FBXL6: variants seen among roughly 807,000 people sequenced by gnomAD.
FBXL6 encodes F-box and leucine rich repeat protein 6.
Under a neutral mutation model 53.3 loss-of-function variants are expected in FBXL6, and 50 were observed. The observed-to-expected ratio is 0.94, with a 90% CI of 0.75 to 1.19. The LOEUF (loss-of-function observed/expected upper bound fraction) is 1.19. FBXL6 is among the 50% of genes most tolerant of loss of function. The probability of loss-of-function intolerance (pLI) is 0.00; values close to 1 mark genes in which losing one functional copy is unlikely to be tolerated. For synonymous variants in FBXL6, 405 were observed against 322.9 expected (o/e 1.25, Z -2.73); for missense variants, 815 against 719.0 (o/e 1.13, Z -1.53).
Position 144,355,789 on chromosome 8 carries a change from A to G in FBXL6, c.1473-111T>C, listed in dbSNP as rs1818374229. Reference sequence around the variant, plus strand: ...ACACCTGGCTCTGCCACCCATAGCCACCAAGGCCAAGCCCAGTTCCCCTGG... The same window carrying G: ...ACACCTGGCTCTGCCACCCATAGCCGCCAAGGCCAAGCCCAGTTCCCCTGG... On this transcript the variant is annotated intron_variant, in intron 8 of 8. Coordinates refer to ENST00000331890, the MANE Select transcript of FBXL6 (RefSeq NM_012162.4). 1.0e-5 allele frequency: 16 copies of G among 1,529,764 alleles called. No homozygotes were observed. The South Asian group carries it at 2.0e-4, about 19-fold the overall frequency. The allele number at this position is 1,529,764 out of a possible 1,614,324, so 94.8% of individuals were successfully genotyped here.
Position 144,356,509 on chromosome 8 carries a change from A to G in FBXL6, c.1016T>C (p.Met339Thr), listed in dbSNP as rs782158277. Residue 339 changes from methionine (M) to threonine (T), a missense_variant, in exon 7 of 9, where the codon ATG becomes ACG. Met to Thr is a moderately conservative substitution (Grantham distance 81). Transcript: ENST00000331890. Reference protein sequence around the residue: ...QLQVLRLLNLMWLPKPPGRGV... With the variant: ...QLQVLRLLNLTWLPKPPGRGV... ...TCGTCCCGGAGGCTTGGGCAGCCAC[A>G]TCAGGTTCAACAGCCGCAGCACCTG... 2 of 1,612,940 alleles carry G rather than the reference A, an allele frequency of 1.2e-6. No individual in the cohort carries two copies. Among genetic ancestry groups the G allele is most frequent in the Non-Finnish European group, 8.5e-7 (1 of 1,179,988 alleles).
intron 1 of FBXL6, 112 bp downstream of exon 1, chr8:144,357,920 C>T (rs1289338072): frequency 1.1e-5 from 16 of 1,448,580 alleles, no homozygotes; most frequent in South Asian, 8.6e-5. Flanking sequence ...CGCTCTCGGA[C>T]TGAGCGGTGC....
In FBXL6 at chr8:144,358,013, G is replaced by A; in HGVS notation, c.416+19C>T. The A allele has an allele frequency of 1.9e-6, 3 of 1,579,762 alleles. No individual in the cohort carries two copies. The highest frequency in any genetic ancestry group is 1.8e-5 in the Admixed American group (1 of 56,984). The stretch of plus-strand genomic sequence containing the variant: ...GCCCAAGCCGCTACGCTCGGCGGCG[G>A]GCCCGGCACCAGCGTTACCTGCCCA... On this transcript the variant is annotated intron_variant, in intron 1 of 8. Coordinates refer to ENST00000331890, the MANE Select transcript of FBXL6 (RefSeq NM_012162.4).
In FBXL6 at chr8:144,356,393, G is replaced by A. The variant is rs782070352; in HGVS notation, c.1132C>T (p.Arg378Cys). ...AGGTTGGGAGAGCCGTGGAGTAGGCGGCCCAGGACCTCGTTGCTCACAAAG... is the reference window on the plus strand; with the variant it reads ...AGGTTGGGAGAGCCGTGGAGTAGGCAGCCCAGGACCTCGTTGCTCACAAAG... ...CNFVSNEVLG[R>C]LLHGSPNLRL... Residue 378 changes from arginine (R) to cysteine (C), a missense_variant, in exon 7 of 9, where the codon CGC becomes TGC. Arg to Cys is a radical substitution (Grantham distance 180). Coordinates refer to ENST00000331890, the MANE Select transcript of FBXL6 (RefSeq NM_012162.4). 30 of 1,523,030 alleles carry A rather than the reference G, an allele frequency of 2.0e-5. No individual in the cohort carries two copies. The African/African-American group carries it at 3.8e-4, about 19-fold the overall frequency. The allele number at this position is 1,523,030 out of a possible 1,614,324, so 94.3% of individuals were successfully genotyped here.
rs782407523 is a variant in FBXL6, at chr8:144,356,491, G to A, written c.1034C>T (p.Pro345Leu). ...TGGTCCGGGAGCCACCCCTCGTCCC[G>A]GAGGCTTGGGCAGCCACATCAGGTT... ...LLNLMWLPKPPGRGVAPGPGF... is the reference protein window; with the variant it reads ...LLNLMWLPKPLGRGVAPGPGF... The change falls in exon 7 of 9, where the codon CCG (proline) becomes CTG (leucine). Residue 345 changes from proline to leucine, a missense_variant. Transcript: ENST00000331890. 3.8e-5 allele frequency: 61 copies of A among 1,612,782 alleles called. No homozygotes were observed. Among genetic ancestry groups the A allele is most frequent in the Admixed American group, 1.8e-4 (11 of 60,002 alleles).
Position 144,356,712 on chromosome 8 carries a change from C to A in FBXL6, c.881G>T (p.Gly294Val). The A allele has an allele frequency of 6.2e-7, 1 of 1,612,126 alleles. No individual in the cohort carries two copies. The highest frequency in any genetic ancestry group is 1.7e-5 in the Admixed American group (1 of 60,010). ...QTTAILGALLGSCCPQLQVLE... is the reference protein window; with the variant it reads ...QTTAILGALLVSCCPQLQVLE... ...GACCTGGAGCTGGGGGCAGCAGCTG[C>A]CCTGCAGAGATGGGGGGAGGGGGTA... is the stretch of plus-strand genomic sequence containing the variant. The change falls in exon 6 of 9, where the codon GGC becomes GTC. Residue 294 changes from glycine (G) to valine (V), a missense_variant and splice_region_variant. By Grantham distance (109) the Gly-to-Val change is moderately radical (BLOSUM62 -3). Transcript: ENST00000331890.
In FBXL6 at chr8:144,356,482, C is replaced by T. The variant is rs1690449399; in HGVS notation, c.1043G>A (p.Gly348Glu). The change falls in exon 7 of 9, where the codon GGG becomes GAG. Residue 348 changes from glycine to glutamate, a missense_variant. Transcript: ENST00000331890. ...AGGGAAGCCTGGTCCGGGAGCCACC[C>T]CTCGTCCCGGAGGCTTGGGCAGCCA... The part of the protein sequence containing the change: ...LMWLPKPPGR[G>E]VAPGPGFPSL... 2 of 1,612,978 alleles carry T rather than the reference C, an allele frequency of 1.2e-6. No homozygotes were observed. Among genetic ancestry groups the T allele is most frequent in the Non-Finnish European group, 1.7e-6 (2 of 1,180,016 alleles).
rs1554853388 is a variant in FBXL6 at position 144,358,153 on chromosome 8, G to A, written c.295C>T (p.Pro99Ser). 2 of 1,537,750 alleles carry A rather than the reference G, an allele frequency of 1.3e-6. No homozygotes were observed. The highest frequency in any genetic ancestry group is 1.2e-5 in the South Asian group (1 of 84,338). ...AAAAPAPAPAPTPTPEEGPDA... is the reference protein window; with the variant it reads ...AAAAPAPAPASTPTPEEGPDA... ...GGCCCTTCCTCGGGCGTGGGCGTGG[G>A]TGCCGGTGCGGGTGCGGGCGCGGCC... Residue 99 changes from proline (P) to serine (S), a missense_variant, in exon 1 of 9, where the codon CCC becomes TCC. Pro to Ser is a moderately conservative substitution (Grantham distance 74, BLOSUM62 -1). Transcript: ENST00000331890.
At position 144,357,888 on chromosome 8, in the gene FBXL6, C is replaced by G. The variant is rs116363663; in HGVS notation, c.417-102G>C. 1,557 of 1,438,256 alleles carry G rather than the reference C, an allele frequency of 1.1e-3. 17 individuals are homozygous for G. The African/African-American group carries it at 0.02, about 19-fold the overall frequency. 89.1% of individuals were successfully genotyped at this position (1,438,256 alleles called of 1,614,324 possible). On this transcript the variant is annotated intron_variant, in intron 1 of 8. Transcript: ENST00000331890. ...GCTCAAAGCCGGGCTCCTGGGACTCCAACTGGGCGCCTAAGGGGCTGCGCT... is the reference window on the plus strand; with the variant it reads ...GCTCAAAGCCGGGCTCCTGGGACTCGAACTGGGCGCCTAAGGGGCTGCGCT...
Position 144,356,356 on chromosome 8 carries a change from TC to T in FBXL6, c.1168del (p.Asp390IlefsTer35). On this transcript the variant is annotated frameshift_variant, in exon 7 of 9. Coordinates refer to ENST00000331890, the MANE Select transcript of FBXL6 (RefSeq NM_012162.4). LOFTEE classifies it high-confidence loss of function. ...CGTGATGCGCGCACAGCCACGAAGA[TC>T]CAGTAAGCGCAGGTTGGGAGAGCCG... Reference protein sequence around the residue: ...LHGSPNLRLLDLRGCARITPA... With the variant: ...LHGSPNLRLLXLRGCARITPA... 1.9e-6 allele frequency: 3 copies of T among 1,604,612 alleles called. No homozygotes were observed. In the South Asian group the frequency reaches 3.3e-5, roughly 18 times the overall value.
chr8:144,357,757 TCCTGCCAGCGGCGGCACA>T lies in FBXL6; in HGVS notation c.428_445del (p.Val143_Gln148del). On this transcript the variant is annotated inframe_deletion, in exon 2 of 9. Coordinates refer to ENST00000331890, the MANE Select transcript of FBXL6 (RefSeq NM_012162.4). ...CCAGAGCGCGGGTTGGGAAGCGGCC[TCCTGCCAGCGGCGGCACA>T]CGCGCGCAGCCCTGGGAGGACAGCG... 1 of 1,594,124 alleles carries T rather than the reference TCCTGCCAGCGGCGGCACA, an allele frequency of 6.3e-7. No homozygotes were observed. Among genetic ancestry groups the T allele is most frequent in the Non-Finnish European group, 8.5e-7 (1 of 1,172,592 alleles).
chr8:144,356,670 C>A lies in FBXL6; in HGVS notation c.923G>T (p.Gly308Val), dbSNP rs374186025. Residue 308 changes from glycine (G) to valine (V), a missense_variant, in exon 6 of 9, where the codon GGC becomes GTC. Gly to Val is a moderately radical substitution (Grantham distance 109). Transcript: ENST00000331890. ...PQLQVLEVST[G>V]INRNSIPLQL... ...AAGGGGAATGCTATTACGGTTGATG[C>A]CGGTGCTCACCTCCAGGACCTGGAG... 4.0e-5 allele frequency: 65 copies of A among 1,612,602 alleles called. No individual in the cohort carries two copies. Among genetic ancestry groups the A allele is most frequent in the Non-Finnish European group, 5.5e-5 (65 of 1,179,996 alleles).
Position 144,358,162 on chromosome 8 carries a change from C to G in FBXL6, c.286G>C (p.Ala96Pro). ...RSEAAAAPAP[A>P]PAPTPTPEEG... is the part of the protein sequence containing the mutation. ...TCGGGCGTGGGCGTGGGTGCCGGTG[C>G]GGGTGCGGGCGCGGCCGCCGCCTCG... Residue 96 changes from alanine to proline, a missense_variant, in exon 1 of 9, where the codon GCA becomes CCA. Ala to Pro is a conservative substitution (Grantham distance 27). Coordinates refer to ENST00000331890, the MANE Select transcript of FBXL6 (RefSeq NM_012162.4). 6.6e-7 allele frequency: 1 copy of G among 1,504,344 alleles called. No individual in the cohort carries two copies. Among genetic ancestry groups the G allele is most frequent in the South Asian group, 1.3e-5 (1 of 79,832 alleles). The allele number at this position is 1,504,344 out of a possible 1,614,324, so 93.2% of individuals were successfully genotyped here.
In FBXL6 at chr8:144,355,985, G is replaced by A; in HGVS notation, c.1455C>T (p.Val485=). The A allele has an allele frequency of 1.2e-6, 2 of 1,612,840 alleles. No individual in the cohort carries two copies. The highest frequency in any genetic ancestry group is 1.7e-6 in the Non-Finnish European group (2 of 1,179,852). The part of the protein sequence containing the change: ...LCSLNLRGTR[V]TPSTVSSVIS... ...ATGCTGACCTGACAGTGCTTGGTGT[G>A]ACCCGGGTGCCCCTGAGGTTAAGAG... is the stretch of plus-strand genomic sequence containing the variant. Residue 485 remains valine, a synonymous_variant, in exon 8 of 9, where the codon GTC becomes GTT. Transcript: ENST00000331890.
At chr8:144,357,277 T>C in intron 3 of FBXL6, 156 bp from the exon 4 acceptor site, 2 of 1,256,108 alleles carry the variant, frequency 1.6e-6, no homozygotes, top group Non-Finnish European at 1.1e-6. Flanking sequence ...CCGCCTCTGA[T>C]ACCTCCCTGC....
rs200807701 is a variant in FBXL6, at chr8:144,356,816, C to T, written c.871G>A (p.Ala291Thr). 11 of 1,613,316 alleles carry T rather than the reference C, an allele frequency of 6.8e-6. No individual in the cohort carries two copies. The highest frequency in any genetic ancestry group is 4.5e-5 in the East Asian group (2 of 44,890). Residue 291 changes from alanine to threonine, a missense_variant, in exon 5 of 9, where the codon GCA becomes ACA. Physicochemically the swap from Ala to Thr is moderately conservative, Grantham distance 58. Coordinates refer to ENST00000331890, the MANE Select transcript of FBXL6 (RefSeq NM_012162.4). ...CACCAATGCCAACTTACCAGCAGTG[C>T]GCCCAGGATGGCTGTCGTCTGGGAG... ...YSSQTTAILG[A>T]LLGSCCPQLQ... is the part of the protein sequence containing the mutation.
At position 144,355,867 on chromosome 8, in the gene FBXL6, A is replaced by G. The variant is rs1230374582; in HGVS notation, c.1472+101T>C. 8 of 1,563,308 alleles carry G rather than the reference A, an allele frequency of 5.1e-6. No homozygotes were observed. The African/African-American group carries it at 1.1e-4, about 21-fold the overall frequency. On this transcript the variant is annotated intron_variant, in intron 8 of 8. Transcript: ENST00000331890. ...CTTGGACAGTATGCATGCCCCTCTGACCCCTGGAGGTCTCAGGCCAGGCAG... is the reference window on the plus strand; with the variant it reads ...CTTGGACAGTATGCATGCCCCTCTGGCCCCTGGAGGTCTCAGGCCAGGCAG...
Position 144,357,517 on chromosome 8 carries a change from G to A in FBXL6, c.576-15C>T, listed in dbSNP as rs1818512188. On this transcript the variant is annotated splice_polypyrimidine_tract_variant and intron_variant, in intron 2 of 8. Coordinates refer to ENST00000331890, the MANE Select transcript of FBXL6 (RefSeq NM_012162.4). ...GCTGTGAAAACCTGGGCCGACAGCGGAGGCAGAGCTGCACTAATGTTCCCA... is the reference window on the plus strand; with the variant it reads ...GCTGTGAAAACCTGGGCCGACAGCGAAGGCAGAGCTGCACTAATGTTCCCA... The A allele has an allele frequency of 6.2e-7, 1 of 1,613,366 alleles. No individual in the cohort carries two copies. The highest frequency in any genetic ancestry group is 8.5e-7 in the Non-Finnish European group (1 of 1,179,946).
chr8:144,356,181 G>C lies in FBXL6; in HGVS notation c.1259C>G (p.Thr420Arg). ...CTTGGCTAGAGTCAGCCGGTCTGAC[G>C]TGCCATACAGGCCCAGATGAAGCTG... ...LEQLHLGLYG[T>R]SDRLTLAKEG... The change falls in exon 8 of 9, where the codon ACG (threonine) becomes AGG (arginine). Residue 420 changes from threonine to arginine, a missense_variant. Thr to Arg is a moderately conservative substitution (Grantham distance 71). Transcript: ENST00000331890. 1.3e-6 allele frequency: 2 copies of C among 1,551,578 alleles called. No homozygotes were observed. Among genetic ancestry groups the C allele is most frequent in the East Asian group, 2.6e-5 (1 of 37,892 alleles).
Sources: gnomAD v4.1 joint callset for allele counts on GRCh38, gnomAD v4.1.1 for gene constraint, MANE v1.5 for transcripts, NCBI Gene and HGNC (gene_info 2026-07-23, HGNC 2026-07-21) for gene names.